ARMC2: variants seen among roughly 807,000 people sequenced by gnomAD.
ARMC2 encodes armadillo repeat-containing protein 2.
ARMC2 carries 67 observed loss-of-function variants against 90.3 expected under a neutral mutation model. The observed-to-expected ratio is 0.74, with a 90% confidence interval of 0.61 to 0.91. The LOEUF is 0.91. ARMC2 is among the 40% of genes least tolerant of loss of function. ARMC2 has a pLI of 0.00. For synonymous variants in ARMC2, 393 were observed against 393.0 expected, an observed-to-expected ratio of 1.00 and a Z score of 0.00; for missense variants, 920 against 1,030.9, an observed-to-expected ratio of 0.89 and a Z score of 1.47.
chr6:108,989,750 G>A, the ARMC2 span, among the ~76,000 whole-genome samples: 1 of 152,156 alleles, frequency 6.6e-6, no homozygotes, highest in African/African-American at 2.4e-5. Flanking sequence ...TCTATACTTA[G>A]GAGAGCCTAT....
Position 108,953,206 on chromosome 6 carries a change from G to A in ARMC2, c.1770G>A (p.Gln590=). The change falls in exon 13 of 18, where the codon CAG becomes CAA. Residue 590 remains glutamine, a synonymous_variant. Coordinates refer to ENST00000392644, the MANE Select transcript of ARMC2 (RefSeq NM_032131.6). ...SQKPVGQRGE[Q]HRAQRPPSEA... ...AGCCGGTGGGCCAACGAGGCGAGCA[G>A]CACAGGGCGCAGAGGCCGCCGTCAG... The A allele has an allele frequency of 6.2e-7, 1 of 1,613,968 alleles. No individual in the cohort carries two copies. Among genetic ancestry groups the A allele is most frequent in the Non-Finnish European group, 8.5e-7 (1 of 1,179,904 alleles).
the ARMC2 span, chr6:108,999,899 G>C: frequency 1.3e-5 from 2 of 152,092 alleles, no homozygotes; most frequent in Admixed American, 1.3e-4. Flanking sequence ...CCTTCAATAG[G>C]TGAATGGATA....
the ARMC2 span, among the ~76,000 whole-genome samples, chr6:108,984,642 T>C: frequency 6.6e-6 from 1 of 152,346 alleles, no homozygotes; most frequent in East Asian, 1.9e-4. Flanking sequence ...TGGTTAGGTT[T>C]ATTCCTAAGT....
the ARMC2 span, chr6:109,000,426 G>C: frequency 3.1e-5 from 39 of 1,265,172 alleles, no homozygotes. Flanking sequence ...CGATTTTTCT[G>C]TAATCCTAAA....
At chr6:108,963,319 G>A (rs965395665) in intron 15 of ARMC2, among the ~76,000 whole-genome samples, 2 of 152,114 alleles carry the variant, frequency 1.3e-5, no homozygotes, top group African/African-American at 2.4e-5. Flanking sequence ...GTTCGTAATG[G>A]AAAATTTCAA....
rs1562366845 is a variant in ARMC2, at chr6:108,899,790, AG to A, written c.847+1del. On this transcript the variant is annotated frameshift_variant and splice_region_variant, in exon 7 of 18. Coordinates refer to ENST00000392644, the MANE Select transcript of ARMC2 (RefSeq NM_032131.6). LOFTEE classifies it high-confidence loss of function. ...GTACCGATTTTGCGTGAATTAGAAA[AG>A]GGTAAAACACAAACAAACAAACAAA... ...RIVPILRELE[K>X]EENIETVCAA... 3 of 1,607,010 alleles carry A rather than the reference AG, an allele frequency of 1.9e-6. No individual in the cohort carries two copies. The highest frequency in any genetic ancestry group is 2.5e-6 in the Non-Finnish European group (3 of 1,176,846).
intron 5 of ARMC2, among the ~76,000 whole-genome samples, chr6:108,885,871 C>T (rs1299975885): frequency 6.6e-6 from 1 of 152,140 alleles, no homozygotes; most frequent in African/African-American, 2.4e-5. Flanking sequence ...TGAGCTAAAT[C>T]CAGCCCATTG....
rs771432991 is a variant in ARMC2 at position 108,876,105 on chromosome 6, GAATACTTCAACAA to G, written c.464-33_464-21del. On this transcript the variant is annotated intron_variant, in intron 4 of 17. Coordinates refer to ENST00000392644, the MANE Select transcript of ARMC2 (RefSeq NM_032131.6). ...TGAAAGGTAGTGATTCCTAAAATAA[GAATACTTCAACAA>G]AATATTTTCTTGGTTATATTGCAGC... 6 of 1,488,298 alleles carry G rather than the reference GAATACTTCAACAA, an allele frequency of 4.0e-6. No individual in the cohort carries two copies. The South Asian group carries it at 7.4e-5, about 18-fold the overall frequency. 92.2% of individuals were successfully genotyped at this position (1,488,298 alleles called of 1,614,324 possible).
the ARMC2 span, among the ~76,000 whole-genome samples, chr6:109,028,970 A>T: frequency 6.6e-6 from 1 of 152,170 alleles, no homozygotes; most frequent in Non-Finnish European, 1.5e-5. Flanking sequence ...ATGTATATTA[A>T]CTGTCTCATA....
At chr6:108,949,341 A>G (rs1022818158) in intron 12 of ARMC2, among the ~76,000 whole-genome samples, 21 of 152,366 alleles carry the variant, frequency 1.4e-4, no homozygotes, top group African/African-American at 5.1e-4. Flanking sequence ...GGAAGTTATC[A>G]TTTTTAGTGA....
chr6:108,897,854 C>A (rs1170522414), intron 6 of ARMC2, among the ~76,000 whole-genome samples: 1 of 151,882 alleles, frequency 6.6e-6, no homozygotes, highest in Non-Finnish European at 1.5e-5. Context: ...TATTGGATTT[C>A]TTGATGCAGA....
In ARMC2 at chr6:108,869,003, C is replaced by T; in HGVS notation, c.463+8C>T. ...CCCTTCCTCCCTCCGACTGTAAGGCCATGTAACATCCTGTAATCTCTGGGG... is the reference window on the plus strand; with the variant it reads ...CCCTTCCTCCCTCCGACTGTAAGGCTATGTAACATCCTGTAATCTCTGGGG... On this transcript the variant is annotated splice_region_variant and intron_variant, in intron 4 of 17. Transcript: ENST00000392644. The T allele has an allele frequency of 3.1e-6, 5 of 1,596,324 alleles. No homozygotes were observed. The highest frequency in any genetic ancestry group is 8.5e-7 in the Non-Finnish European group (1 of 1,171,370).
chr6:109,001,398 C>G, the ARMC2 span: 1 of 1,613,832 alleles, frequency 6.2e-7, no homozygotes, highest in Non-Finnish European at 8.5e-7. Flanking sequence ...AAAACCATCA[C>G]TAACGTAATG....
chr6:108,871,537 A>G (rs1397522868), intron 4 of ARMC2, among the ~76,000 whole-genome samples: 1 of 152,066 alleles, frequency 6.6e-6, no homozygotes, highest in Non-Finnish European at 1.5e-5. Context: ...AAGGACTCAT[A>G]CCTTGTTTTT....
chr6:108,906,695 G>C (rs1438371230), intron 8 of ARMC2, among the ~76,000 whole-genome samples: 2 of 152,142 alleles, frequency 1.3e-5, no homozygotes. Flanking sequence ...ATGATGCCCA[G>C]GCTGGTCTCA....
chr6:108,929,367 A>G (rs550678646), intron 11 of ARMC2, among the ~76,000 whole-genome samples: 35 of 152,308 alleles, frequency 2.3e-4, no homozygotes, highest in Non-Finnish European at 3.7e-4. Flanking sequence ...AGAAAGTTCC[A>G]TATAATTTCA....
chr6:109,000,756 TAA>T, the ARMC2 span: 2 of 1,122,554 alleles, frequency 1.8e-6, no homozygotes, highest in African/African-American at 1.6e-5. Context: ...GCAAAAGAGC[TAA>T]TTAAGTTTAT....
At chr6:108,854,202 G>A (rs532609747) in intron 1 of ARMC2, 23 bp from the exon 2 acceptor site, 4 of 1,281,814 alleles carry the variant, frequency 3.1e-6, no homozygotes, top group Non-Finnish European at 4.4e-6. Flanking sequence ...AATAATGATG[G>A]TTTTTGTACC....
chr6:108,929,619 A>G (rs559148250), intron 11 of ARMC2, among the ~76,000 whole-genome samples: 15 of 152,228 alleles, frequency 9.9e-5, no homozygotes, highest in Admixed American at 1.3e-4. Flanking sequence ...AGCTGGGACC[A>G]CAGGTGCACG....
Sources: gnomAD v4.1 joint callset for allele counts (sites outside exome capture counted in the v4.1 genomes callset) on GRCh38, gnomAD v4.1.1 for gene constraint, MANE v1.5 for transcripts, NCBI Gene and HGNC (gene_info 2026-07-23, HGNC 2026-07-21) for gene names.